Variants in B3GAT1 observed in about 807,000 individuals in gnomAD.
The protein encoded by B3GAT1 is galactosylgalactosylxylosylprotein 3-beta-glucuronosyltransferase 1.
Under a neutral mutation model 28.4 loss-of-function variants are expected in B3GAT1, and 11 were observed. The observed-to-expected ratio is 0.39, with a 90% CI of 0.24 to 0.64. B3GAT1 has a LOEUF of 0.64. B3GAT1 is among the 30% of genes least tolerant of loss of function. B3GAT1 has a pLI of 0.50. For missense variants in B3GAT1, 375 were observed against 491.0 expected (o/e 0.76, Z 2.23); for synonymous variants, 255 against 223.1 (o/e 1.14, Z -1.27).
chr11:134,412,098 G>GGCGGGGGGCGGGGAGGGGA lies in B3GAT1; in HGVS notation c.-574_-573insTCCCCTCCCCGCCCCCCGC, dbSNP rs1944871897. ...GCGGGCAGGGAGGCGGGGGGCGGGG[G>GGCGGGGGGCGGGGAGGGGA]GCGGGGAGGGGGAGCGGGGAGGGGG... is the stretch of plus-strand genomic sequence containing the variant. On this transcript the variant is annotated 5_prime_UTR_variant, in exon 1 of 6. Coordinates refer to ENST00000312527, the MANE Select transcript of B3GAT1 (RefSeq NM_054025.3). Among the ~76,000 whole-genome samples the GGCGGGGGGCGGGGAGGGGA allele has an allele frequency of 4.1e-5, 2 of 48,258 alleles. No individual in the cohort carries two copies. The highest frequency in any genetic ancestry group is 7.6e-4 in the South Asian group (1 of 1,310). 31.7% of individuals were successfully genotyped at this position (48,258 alleles called of 152,430 possible).
At position 134,379,988 on chromosome 11, in the gene B3GAT1, G is replaced by C. The variant is rs926879906; in HGVS notation, c.*774C>G. 7 of 152,840 alleles carry C rather than the reference G, an allele frequency of 4.6e-5. No homozygotes were observed. The highest frequency in any genetic ancestry group is 2.6e-4 in the Admixed American group (4 of 15,288). The allele number at this position is 152,840 out of a possible 1,614,324, so 9.5% of individuals were successfully genotyped here. On this transcript the variant is annotated 3_prime_UTR_variant, in exon 6 of 6. Coordinates refer to ENST00000312527, the MANE Select transcript of B3GAT1 (RefSeq NM_054025.3). ...CTTAGTCCAGGTCAGGCAGTGACCTGTGCTGGCTCTAGAGCCTACCCCTTT... is the reference window on the plus strand; with the variant it reads ...CTTAGTCCAGGTCAGGCAGTGACCTCTGCTGGCTCTAGAGCCTACCCCTTT...
Position 134,384,071 on chromosome 11 carries a change from G to T in B3GAT1, c.230C>A (p.Pro77Gln). Residue 77 changes from proline (P) to glutamine (Q), a missense_variant, in exon 3 of 6, where the codon CCG becomes CAG. Pro to Gln is a moderately conservative substitution (Grantham distance 76). Coordinates refer to ENST00000312527, the MANE Select transcript of B3GAT1 (RefSeq NM_054025.3). ...VRTEYVYTRPPPWSDTLPTIH... is the reference protein window; with the variant it reads ...VRTEYVYTRPQPWSDTLPTIH... ...GGTGGGCAGCGTGTCGGACCATGGC[G>T]GGGGCCGCGTGTACACGTACTCGGT... 1 of 1,602,712 alleles carries T rather than the reference G, an allele frequency of 6.2e-7. No homozygotes were observed.
intron 1 of B3GAT1, chr11:134,388,266 T>C (rs952696256): frequency 4.4e-6 from 1 of 229,184 alleles, no homozygotes; most frequent in Admixed American, 4.7e-5. Flanking sequence ...CCGTTCTCCA[T>C]GCCACAGTTT....
chr11:134,400,601 A>C (rs1224226339), intron 1 of B3GAT1, among the ~76,000 whole-genome samples: 2 of 152,258 alleles, frequency 1.3e-5, no homozygotes, highest in African/African-American at 4.8e-5. Context: ...ACCATATGTG[A>C]AAATGAACTC....
intron 1 of B3GAT1, among the ~76,000 whole-genome samples, chr11:134,399,752 C>T (rs145802793): frequency 3.9e-5 from 6 of 152,176 alleles, no homozygotes; most frequent in African/African-American, 1.4e-4. Flanking sequence ...CCGGTTGCAG[C>T]AAGGGTCTCT....
At chr11:134,383,094 C>T (rs111905329) in intron 3 of B3GAT1, 88 bp from the exon 4 acceptor site, 2 of 1,405,160 alleles carry the variant, frequency 1.4e-6, no homozygotes, top group Non-Finnish European at 9.5e-7. Context: ...CCTTCAGCCA[C>T]CTCTATCTAT....
chr11:134,403,369 TCC>T (rs1944658491), intron 1 of B3GAT1, among the ~76,000 whole-genome samples: 1 of 152,152 alleles, frequency 6.6e-6, no homozygotes, highest in East Asian at 1.9e-4. Flanking sequence ...TCATAGTCCC[TCC>T]ACTTGCTGAG....
At chr11:134,399,924 C>A (rs1382197723) in intron 1 of B3GAT1, among the ~76,000 whole-genome samples, 1 of 152,192 alleles carries the variant, frequency 6.6e-6, no homozygotes, top group Non-Finnish European at 1.5e-5. Flanking sequence ...CTTGGGTTAG[C>A]TGAAACAGCC....
intron 1 of B3GAT1, among the ~76,000 whole-genome samples, chr11:134,404,498 GT>G (rs1314732168): frequency 6.6e-6 from 1 of 152,186 alleles, no homozygotes; most frequent in Non-Finnish European, 1.5e-5. Context: ...CAGAACATCC[GT>G]TTAGACACAG....
chr11:134,397,486 A>T (rs1944527551), intron 1 of B3GAT1, among the ~76,000 whole-genome samples: 1 of 152,208 alleles, frequency 6.6e-6, no homozygotes, highest in Non-Finnish European at 1.5e-5. Context: ...GGTGAGATGC[A>T]ACGTGGCCCA....
At chr11:134,394,707 A>T (rs1944472031) in intron 1 of B3GAT1, among the ~76,000 whole-genome samples, 1 of 152,236 alleles carries the variant, frequency 6.6e-6, no homozygotes, top group South Asian at 2.1e-4. Flanking sequence ...GGGACTGCTG[A>T]TGGAAGGGCA....
rs1944871141 is a variant in B3GAT1, at chr11:134,412,079, A to AGGGAGGCGGGGGGC, written c.-568_-555dup. ...AGCGCGCGGGAGGGAGGGCGCGGGC[A>AGGGAGGCGGGGGGC]GGGAGGCGGGGGGCGGGGGGCGGGG... On this transcript the variant is annotated 5_prime_UTR_variant, in exon 1 of 6. Transcript: ENST00000312527. Among the ~76,000 whole-genome samples the AGGGAGGCGGGGGGC allele has an allele frequency of 3.1e-5, 1 of 32,376 alleles. No individual in the cohort carries two copies. The highest frequency in any genetic ancestry group is 6.6e-5 in the Non-Finnish European group (1 of 15,098). 21.2% of individuals were successfully genotyped at this position (32,376 alleles called of 152,430 possible).
chr11:134,393,564 G>A lies in B3GAT1; in HGVS notation c.-281-5624C>T, dbSNP rs1944450754. The stretch of plus-strand genomic sequence containing the variant: ...TCCCTGCCAGCCTTTACCTAACTTG[G>A]AGAACTTTTTTCTGGACTCACCTTA... On this transcript the variant is annotated intron_variant, in intron 1 of 5. Coordinates refer to ENST00000312527, the MANE Select transcript of B3GAT1 (RefSeq NM_054025.3). This position sits in a 1 kb window ranked among gnomAD's most constrained non-coding sequence, Gnocchi z 4.0. Among the ~76,000 whole-genome samples the A allele has an allele frequency of 6.6e-6, 1 of 152,184 alleles. No individual in the cohort carries two copies. The highest frequency in any genetic ancestry group is 2.1e-4 in the South Asian group (1 of 4,824).
At position 134,379,775 on chromosome 11, in the gene B3GAT1, G is replaced by A. The variant is rs544001870; in HGVS notation, c.*987C>T. The A allele has an allele frequency of 7.5e-6, 1 of 133,208 alleles. No homozygotes were observed. Among genetic ancestry groups the A allele is most frequent in the African/African-American group, 2.6e-5 (1 of 38,588 alleles). 8.3% of individuals were successfully genotyped at this position (133,208 alleles called of 1,614,324 possible). ...TCCCTCCTCTTTCCAGGCTGCAGGA[G>A]GTCCCACCTTGCCCACCACCCACCG... is the stretch of plus-strand genomic sequence containing the variant. On this transcript the variant is annotated 3_prime_UTR_variant, in exon 6 of 6. Transcript: ENST00000312527.
rs139909555 is a variant in B3GAT1 at position 134,393,377 on chromosome 11, C to T, written c.-281-5437G>A. ...CATCCTTGCTGGCTCTCAGCACTTC[C>T]GCTCAGCCGACACGGGGTCAGGGAG... On this transcript the variant is annotated intron_variant, in intron 1 of 5. Coordinates refer to ENST00000312527, the MANE Select transcript of B3GAT1 (RefSeq NM_054025.3). This position sits in a 1 kb window ranked among gnomAD's most constrained non-coding sequence, Gnocchi z 4.0. 1.9e-3 allele frequency among the ~76,000 whole-genome samples: 289 copies of T among 152,332 alleles called. No homozygotes were observed. Among genetic ancestry groups the T allele is most frequent in the African/African-American group, 6.2e-3 (257 of 41,564 alleles).
intron 1 of B3GAT1, among the ~76,000 whole-genome samples, chr11:134,400,186 T>A: frequency 6.6e-6 from 1 of 152,098 alleles, no homozygotes; most frequent in Non-Finnish European, 1.5e-5. Context: ...ATCTGCTCAC[T>A]CAAGGTGCAC....
At chr11:134,390,522 C>G (rs1337784014) in intron 1 of B3GAT1, 1 of 152,304 alleles carries the variant, frequency 6.6e-6, no homozygotes, top group Non-Finnish European at 1.5e-5. Flanking sequence ...GTCCTGCCAG[C>G]TCAGTCCCTG....
intron 1 of B3GAT1, among the ~76,000 whole-genome samples, chr11:134,395,860 G>T (rs1444903684): frequency 6.6e-6 from 1 of 152,172 alleles, no homozygotes; most frequent in African/African-American, 2.4e-5. Flanking sequence ...CAGGAGTCCA[G>T]GGTCTCAGAA....
chr11:134,407,884 T>G (rs1944764999), intron 1 of B3GAT1, among the ~76,000 whole-genome samples: 1 of 152,162 alleles, frequency 6.6e-6, no homozygotes, highest in African/African-American at 2.4e-5. Flanking sequence ...TTGGTGCAAG[T>G]GAACTGAATT....
Sources: gnomAD v4.1 joint callset for allele counts (sites outside exome capture counted in the v4.1 genomes callset) on GRCh38, gnomAD v4.1.1 for gene constraint, Gnocchi (gnomAD v3.1) non-coding constraint, MANE v1.5 for transcripts, NCBI Gene and HGNC (gene_info 2026-07-23, HGNC 2026-07-21) for gene names.